The following DPY19L3 variants were observed in gnomAD, a reference collection of about 807,000 sequenced individuals.
DPY19L3 encodes the protein dpy-19 like C-mannosyltransferase 3, also known as protein C-mannosyl-transferase DPY19L3.
In DPY19L3, 51 loss-of-function variants were observed where a neutral mutation model predicts 92.3. The ratio of observed to expected loss-of-function variants is 0.55; its 90% CI spans 0.44 to 0.70. The LOEUF (loss-of-function observed/expected upper bound fraction) is 0.70. DPY19L3 is among the 30% of genes least tolerant of loss of function. The pLI is 0.00. For synonymous variants in DPY19L3, 309 were observed against 315.2 expected, an observed-to-expected ratio of 0.98 and a Z score of 0.21; for missense variants, 706 against 855.9, an observed-to-expected ratio of 0.82 and a Z score of 2.18.
At chr19:32,457,330 T>C (rs1429942662) in intron 10 of DPY19L3, among the ~76,000 whole-genome samples, 1 of 152,234 alleles carries the variant, frequency 6.6e-6, no homozygotes, top group Non-Finnish European at 1.5e-5. Context: ...AGCAACTGTT[T>C]TGTTTTACTC....
intron 8 of DPY19L3, among the ~76,000 whole-genome samples, chr19:32,446,293 G>T (rs1257660798): frequency 6.6e-6 from 1 of 152,078 alleles, no homozygotes; most frequent in African/African-American, 2.4e-5. Context: ...AAATGTTCAG[G>T]TAACCTACAG....
At chr19:32,428,408 G>T (rs953779786) in intron 3 of DPY19L3, among the ~76,000 whole-genome samples, 1 of 152,114 alleles carries the variant, frequency 6.6e-6, no homozygotes, top group African/African-American at 2.4e-5. Flanking sequence ...ATGAGGTCTT[G>T]CAGTGGTGGA....
rs372932019 is a variant in DPY19L3, at chr19:32,439,258, A to G, written c.720+23A>G. 70 of 1,603,614 alleles carry G rather than the reference A, an allele frequency of 4.4e-5. No individual in the cohort carries two copies. In the African/African-American group the frequency reaches 6.4e-4, roughly 15 times the overall value. On this transcript the variant is annotated intron_variant, in intron 7 of 18. Coordinates refer to ENST00000392250, the MANE Select transcript of DPY19L3 (RefSeq NM_001172774.2). ...GAAGTAAGTGTTTATAAAATTTCAT[A>G]TATTTTAATCCCCCAATTTTATATA... is the stretch of plus-strand genomic sequence containing the variant.
intron 5 of DPY19L3, 90 bp downstream of exon 5, chr19:32,436,657 C>T (rs1969150053): frequency 1.7e-6 from 2 of 1,168,958 alleles, no homozygotes; most frequent in Admixed American, 2.8e-5. Flanking sequence ...TCTTTCTGAT[C>T]TTCAACTGGT....
At chr19:32,458,589 C>A in intron 12 of DPY19L3, 80 bp downstream of exon 12, 2 of 1,381,084 alleles carry the variant, frequency 1.4e-6, no homozygotes, top group Non-Finnish European at 9.9e-7. Context: ...AGTTGAAAGT[C>A]AGAATATCAG....
chr19:32,409,432 G>T (rs1173617241), intron 2 of DPY19L3, among the ~76,000 whole-genome samples: 1 of 152,118 alleles, frequency 6.6e-6, no homozygotes, highest in African/African-American at 2.4e-5. Flanking sequence ...GAAGTGAAAG[G>T]TTTTCTTACC....
At chr19:32,443,705 T>A (rs931929661) in intron 8 of DPY19L3, among the ~76,000 whole-genome samples, 1 of 152,204 alleles carries the variant, frequency 6.6e-6, no homozygotes, top group Non-Finnish European at 1.5e-5. Flanking sequence ...ACAGGAGGCC[T>A]GCTAACATGG....
Position 32,470,853 on chromosome 19 carries a change from A to C in DPY19L3, c.1697+2040A>C, listed in dbSNP as rs1256880795. Among the ~76,000 whole-genome samples the C allele has an allele frequency of 4.7e-5, 4 of 84,924 alleles. No homozygotes were observed. In the East Asian group the frequency reaches 1.1e-3, roughly 23 times the overall value. The allele number at this position is 84,924 out of a possible 152,430, so 55.7% of individuals were successfully genotyped here. ...TGCCTTGTTCCAAAAAATTTGTTCT[A>C]TTGTGATCTAGTCTCAGCTTTTTCC... On this transcript the variant is annotated intron_variant, in intron 16 of 18. Coordinates refer to ENST00000392250, the MANE Select transcript of DPY19L3 (RefSeq NM_001172774.2).
chr19:32,478,175 G>A (rs1439296169), intron 17 of DPY19L3, among the ~76,000 whole-genome samples: 1 of 152,132 alleles, frequency 6.6e-6, no homozygotes, highest in Non-Finnish European at 1.5e-5. Flanking sequence ...CCTGGTCCAG[G>A]ACCTCTGCCT....
At position 32,483,886 on chromosome 19, in the gene DPY19L3, G is replaced by A. The variant is rs1970735639; in HGVS notation, c.*1646G>A. ...GCATGCCTGTTGTAGCTGACAGCATGGGTCAGTACATCCTTCAGCGAGTGC... is the reference window on the plus strand; with the variant it reads ...GCATGCCTGTTGTAGCTGACAGCATAGGTCAGTACATCCTTCAGCGAGTGC... On this transcript the variant is annotated 3_prime_UTR_variant, in exon 19 of 19. Transcript: ENST00000392250. 1 of 152,600 alleles carries A rather than the reference G, an allele frequency of 6.6e-6. No homozygotes were observed. The highest frequency in any genetic ancestry group is 2.4e-5 in the African/African-American group (1 of 41,438). 9.5% of individuals were successfully genotyped at this position (152,600 alleles called of 1,614,324 possible).
Position 32,477,582 on chromosome 19 carries a change from G to A in DPY19L3, c.1758G>A (p.Lys586=), listed in dbSNP as rs1387452920. ...AGSMQLLAGV[K]LCTGRTLTNH... ...GCATGCAGTTGCTGGCCGGAGTCAAGCTGTGCACGGGAAGGACCCTAACCA... is the reference window on the plus strand; with the variant it reads ...GCATGCAGTTGCTGGCCGGAGTCAAACTGTGCACGGGAAGGACCCTAACCA... Residue 586 remains lysine (K), a synonymous_variant, in exon 17 of 19, where the codon AAG becomes AAA. Transcript: ENST00000392250. 1 of 1,614,066 alleles carries A rather than the reference G, an allele frequency of 6.2e-7. No homozygotes were observed. The highest frequency in any genetic ancestry group is 8.5e-7 in the Non-Finnish European group (1 of 1,180,040).
Position 32,482,440 on chromosome 19 carries a change from C to T in DPY19L3, c.*200C>T. The T allele has an allele frequency of 1.7e-6, 1 of 583,236 alleles. No individual in the cohort carries two copies. The highest frequency in any genetic ancestry group is 2.9e-6 in the Non-Finnish European group (1 of 341,388). The allele number at this position is 583,236 out of a possible 1,614,324, so 36.1% of individuals were successfully genotyped here. Reference sequence around the variant, plus strand: ...GAAGTCTTTTTCGTTGTGTGTCTATCTTTCTCATTAATGTTCTTTAGCCTA... The same window carrying T: ...GAAGTCTTTTTCGTTGTGTGTCTATTTTTCTCATTAATGTTCTTTAGCCTA... On this transcript the variant is annotated 3_prime_UTR_variant, in exon 19 of 19. Transcript: ENST00000392250.
chr19:32,453,096 T>C (rs1599646494), intron 8 of DPY19L3, 49 bp from the exon 9 acceptor site: 1 of 1,606,868 alleles, frequency 6.2e-7, no homozygotes, highest in Non-Finnish European at 8.5e-7. Context: ...CGACATGTGA[T>C]GATCTCTTGG....
chr19:32,448,362 T>C (rs1969586314), intron 8 of DPY19L3, among the ~76,000 whole-genome samples: 1 of 152,170 alleles, frequency 6.6e-6, no homozygotes, highest in African/African-American at 2.4e-5. Flanking sequence ...AGAAAGGATA[T>C]ACAGTTGACC....
intron 12 of DPY19L3, among the ~76,000 whole-genome samples, chr19:32,460,972 TCTC>T (rs1019954728): frequency 6.6e-6 from 1 of 152,164 alleles, no homozygotes; most frequent in African/African-American, 2.4e-5. Flanking sequence ...TTCAGGCAAT[TCTC>T]CTGCCTCAGC....
intron 9 of DPY19L3, among the ~76,000 whole-genome samples, chr19:32,454,038 T>A (rs989713961): frequency 2.6e-5 from 4 of 152,184 alleles, no homozygotes; most frequent in African/African-American, 9.7e-5. Flanking sequence ...AGAATTGTTA[T>A]GGACAAAGGT....
chr19:32,447,816 T>TTAGATAGATAGATAGA (rs1555721981), intron 8 of DPY19L3, among the ~76,000 whole-genome samples: 46 of 89,914 alleles, frequency 5.1e-4, no homozygotes, highest in Non-Finnish European at 6.4e-4. Flanking sequence ...GATAGATAGA[T>TTAGATAGATAGATAGA]TAGATAGATA....
chr19:32,449,235 A>G (rs963962964), intron 8 of DPY19L3, among the ~76,000 whole-genome samples: 2 of 152,252 alleles, frequency 1.3e-5, no homozygotes, highest in African/African-American at 4.8e-5. Flanking sequence ...GTGACAATTT[A>G]CGCTTTACAA....
chr19:32,417,375 A>C (rs1968413792), intron 3 of DPY19L3, among the ~76,000 whole-genome samples: 1 of 152,208 alleles, frequency 6.6e-6, no homozygotes, highest in Non-Finnish European at 1.5e-5. Flanking sequence ...ACTGGAGTGC[A>C]GTGGCACGAT....
Sources: gnomAD v4.1 joint callset for allele counts (sites outside exome capture counted in the v4.1 genomes callset) on GRCh38, gnomAD v4.1.1 for gene constraint, MANE v1.5 for transcripts, NCBI Gene and HGNC (gene_info 2026-07-23, HGNC 2026-07-21) for gene names.